Variants in ROBO2 observed in about 807,000 individuals in gnomAD.
ROBO2 encodes roundabout guidance receptor 2, also known as roundabout homolog 2.
Under a neutral mutation model 160.8 loss-of-function variants are expected in ROBO2, and 53 were observed. The ratio of observed to expected loss-of-function variants is 0.33; its 90% CI spans 0.26 to 0.41. The LOEUF (loss-of-function observed/expected upper bound fraction) is 0.41. ROBO2 is among the 10% of genes least tolerant of loss of function. The pLI is 1.00. For synonymous variants in ROBO2, 664 were observed against 611.7 expected, an observed-to-expected ratio of 1.09 and a Z score of -1.26; for missense variants, 1,577 against 1,722.4, an observed-to-expected ratio of 0.92 and a Z score of 1.49.
At chr3:77,636,189 A>G (rs2095260755) in intron 24 of ROBO2, among the ~76,000 whole-genome samples, 1 of 152,220 alleles carries the variant, frequency 6.6e-6, no homozygotes, top group African/African-American at 2.4e-5. Flanking sequence ...GAAAAGGGTC[A>G]GCAAACTTCT....
chr3:77,266,376 C>T (rs2059124836), intron 2 of ROBO2, among the ~76,000 whole-genome samples: 1 of 151,962 alleles, frequency 6.6e-6, no homozygotes, highest in African/African-American at 2.4e-5. Flanking sequence ...CTTCCCTTTC[C>T]TTGTCCGTAT....
intron 2 of ROBO2, among the ~76,000 whole-genome samples, chr3:76,752,424 A>G (rs1311069999): frequency 6.6e-6 from 1 of 150,938 alleles, no homozygotes. Context: ...ACCCTAGAAC[A>G]TAAAGTATAA....
chr3:76,836,096 T>C (rs2067667732), intron 2 of ROBO2, among the ~76,000 whole-genome samples: 2 of 152,052 alleles, frequency 1.3e-5, no homozygotes, highest in Admixed American at 6.6e-5. Context: ...TACTATTTAG[T>C]TGAATAGAGG....
chr3:76,052,127 T>C (rs1184911880), intron 2 of ROBO2, among the ~76,000 whole-genome samples: 7 of 152,102 alleles, frequency 4.6e-5, no homozygotes, highest in Non-Finnish European at 5.9e-5. Context: ...TGAACAACAA[T>C]GTCATAGGAC....
At chr3:77,632,719 T>G in intron 23 of ROBO2, 8 of 1,374,874 alleles carry the variant, frequency 5.8e-6, no homozygotes, top group Non-Finnish European at 7.8e-6. Context: ...CACTGTCCTC[T>G]TTTCTCCTGT....
intron 6 of ROBO2, among the ~76,000 whole-genome samples, chr3:77,536,219 A>G (rs1582785326): frequency 1.3e-5 from 2 of 152,282 alleles, no homozygotes; most frequent in South Asian, 4.1e-4. Context: ...CTAGACTGCC[A>G]CAGGCCACAA....
At chr3:77,075,895 TTCAAACTCCGGACC>T (rs1333393725) in intron 1 of ROBO2, among the ~76,000 whole-genome samples, 2 of 151,464 alleles carry the variant, frequency 1.3e-5, no homozygotes, top group Non-Finnish European at 2.9e-5. Context: ...CCAAGGTGGT[TTCAAACTCCGGACC>T]TCAAATGATC....
chr3:75,983,171 A>G (rs62267179), intron 2 of ROBO2, among the ~76,000 whole-genome samples: 1 of 151,500 alleles, frequency 6.6e-6, no homozygotes, highest in Non-Finnish European at 1.5e-5. Flanking sequence ...CTTTTTCCTT[A>G]GAAAAAAGTG....
chr3:76,444,433 A>C (rs2077071970), intron 2 of ROBO2, among the ~76,000 whole-genome samples: 1 of 152,188 alleles, frequency 6.6e-6, no homozygotes, highest in South Asian at 2.1e-4. Flanking sequence ...AAGCTGCCCA[A>C]GACTGAGTAA....
At chr3:76,661,851 A>T (rs958294967) in intron 2 of ROBO2, among the ~76,000 whole-genome samples, 35 of 152,262 alleles carry the variant, frequency 2.3e-4, no homozygotes, top group Non-Finnish European at 4.7e-4. Context: ...ACAGAATGTA[A>T]ATTTTCCTCA....
chr3:75,929,000 T>A (rs1417879737), intron 1 of ROBO2, among the ~76,000 whole-genome samples: 5 of 143,144 alleles, frequency 3.5e-5, no homozygotes, highest in Non-Finnish European at 6.0e-5. Context: ...TGTGTGTGTG[T>A]GATAGCTCAT....
At chr3:77,024,786 G>A (rs527854031) in intron 2 of ROBO2, among the ~76,000 whole-genome samples, 16 of 152,176 alleles carry the variant, frequency 1.1e-4, no homozygotes, top group South Asian at 2.1e-4. Context: ...GAGCATTTTC[G>A]AATGTTAACT....
At chr3:77,254,554 A>G (rs972302614) in intron 2 of ROBO2, among the ~76,000 whole-genome samples, 5 of 151,988 alleles carry the variant, frequency 3.3e-5, no homozygotes, top group African/African-American at 7.3e-5. Flanking sequence ...GTCTTACATG[A>G]TGTTGAAGTT....
intron 2 of ROBO2, among the ~76,000 whole-genome samples, chr3:76,562,130 C>A (rs898410738): frequency 1.3e-5 from 2 of 151,768 alleles, no homozygotes; most frequent in South Asian, 2.1e-4. Context: ...GTTAAGGCAG[C>A]CAGACCACAT....
intron 2 of ROBO2, among the ~76,000 whole-genome samples, chr3:75,963,020 G>A (rs1234263380): frequency 6.6e-6 from 1 of 151,506 alleles, no homozygotes; most frequent in African/African-American, 2.4e-5. Context: ...CAATACAGTT[G>A]GTATTGTGCC....
chr3:77,388,301 T>C (rs1278970702), intron 2 of ROBO2, among the ~76,000 whole-genome samples: 1 of 152,052 alleles, frequency 6.6e-6, no homozygotes, highest in Non-Finnish European at 1.5e-5. Context: ...ATAGTCCCAA[T>C]TACTCAGGAG....
At chr3:77,617,828 T>TG in intron 22 of ROBO2, 55 bp downstream of exon 23, 1 of 1,592,248 alleles carries the variant, frequency 6.3e-7, no homozygotes. Context: ...GGAAATTTTT[T>TG]TCAGAATAAA....
chr3:77,267,544 G>C (rs977405881), intron 2 of ROBO2, among the ~76,000 whole-genome samples: 23 of 152,190 alleles, frequency 1.5e-4, no homozygotes, highest in African/African-American at 5.3e-4. Context: ...GTGCTTGTTA[G>C]TGGGTAGGTG....
intron 2 of ROBO2, among the ~76,000 whole-genome samples, chr3:76,017,045 C>T (rs924920823): frequency 2.0e-5 from 3 of 152,204 alleles, no homozygotes; most frequent in Non-Finnish European, 2.9e-5. Flanking sequence ...CTGTATACAA[C>T]GTATTGTAAA....
Sources: gnomAD v4.1 joint callset for allele counts (sites outside exome capture counted in the v4.1 genomes callset) on GRCh38, gnomAD v4.1.1 for gene constraint, MANE v1.5 for transcripts, NCBI Gene and HGNC (gene_info 2026-07-23, HGNC 2026-07-21) for gene names.